The following BMPR2 variants were observed in gnomAD, a reference collection of about 807,000 sequenced individuals.
The protein encoded by BMPR2 is bone morphogenetic protein receptor type 2.
In BMPR2, 29 loss-of-function variants were observed where a neutral mutation model predicts 100.8. The observed-to-expected ratio is 0.29, with a 90% confidence interval of 0.21 to 0.39. BMPR2 has a LOEUF of 0.39. Ranked by LOEUF, BMPR2 falls within the 10% of genes least tolerant of loss-of-function variation. The pLI is 1.00. For missense variants in BMPR2, 1,011 were observed against 1,274.5 expected, an observed-to-expected ratio of 0.79 and a Z score of 3.15; for synonymous variants, 382 against 442.3, an observed-to-expected ratio of 0.86 and a Z score of 1.71.
intron 3 of BMPR2, among the ~76,000 whole-genome samples, chr2:202,471,643 C>G (rs762199926): frequency 6.6e-6 from 1 of 151,766 alleles, no homozygotes; most frequent in South Asian, 2.1e-4. Context: ...TTCAAAAATG[C>G]GAATGTCATA....
chr2:202,555,416 G>A lies in BMPR2; in HGVS notation c.1751G>A (p.Arg584Gln), dbSNP rs139591065. Residue 584 changes from arginine (R) to glutamine (Q), a missense_variant, in exon 12 of 13, where the codon CGA becomes CAA. Arg to Gln is a conservative substitution (Grantham distance 43). Coordinates refer to ENST00000374580, the MANE Select transcript of BMPR2 (RefSeq NM_001204.7). Reference sequence around the variant, plus strand: ...CCTTTGACTATAGGGGAAAAAAACCGAAATTCAATTAACTATGAACGACAG... The same window carrying A: ...CCTTTGACTATAGGGGAAAAAAACCAAAATTCAATTAACTATGAACGACAG... ...STPLTIGEKNRNSINYERQQA... is the reference protein window; with the variant it reads ...STPLTIGEKNQNSINYERQQA... 2.3e-5 allele frequency: 37 copies of A among 1,613,960 alleles called. No individual in the cohort carries two copies. The highest frequency in any genetic ancestry group is 5.5e-5 in the South Asian group (5 of 91,082).
chr2:202,528,062 C>G (rs1256265199), intron 7 of BMPR2, among the ~76,000 whole-genome samples: 1 of 152,102 alleles, frequency 6.6e-6, no homozygotes, highest in Non-Finnish European at 1.5e-5. Context: ...TGGCATGCAC[C>G]TGTAGTCCCA....
At chr2:202,449,236 A>G (rs915562480) in intron 1 of BMPR2, among the ~76,000 whole-genome samples, 7 of 151,838 alleles carry the variant, frequency 4.6e-5, no homozygotes, top group Non-Finnish European at 1.0e-4. Context: ...TGAAACCGGG[A>G]GGTGGAGGTT....
rs536899308 is a variant in BMPR2, at chr2:202,429,459, T to C, written c.77-35350T>C. Among the ~76,000 whole-genome samples, 8 of 152,346 alleles carry C rather than the reference T, an allele frequency of 5.3e-5. No homozygotes were observed. In the East Asian group the frequency reaches 1.5e-3, roughly 29 times the overall value. ...CTTTTGCTTATGATACGTCCCTTGC[T>C]TGGAATTTCCTTCTCTCCTGGTCTG... On this transcript the variant is annotated intron_variant, in intron 1 of 12. Transcript: ENST00000374580.
At chr2:202,537,672 T>A (rs1424770883) in intron 9 of BMPR2, among the ~76,000 whole-genome samples, 3 of 152,154 alleles carry the variant, frequency 2.0e-5, no homozygotes, top group Non-Finnish European at 2.9e-5. Flanking sequence ...TGATCAGTTT[T>A]ATGTTATGTA....
chr2:202,408,690 G>A lies in BMPR2; in HGVS notation c.76+31140G>A, dbSNP rs1369549503. ...ATTACATGAAGGACTTCCAGGCACT[G>A]TAATCAGTCTTCTATCTTTGAGATT... is the stretch of plus-strand genomic sequence containing the variant. On this transcript the variant is annotated intron_variant, in intron 1 of 12. Transcript: ENST00000374580. 2.6e-5 allele frequency among the ~76,000 whole-genome samples: 4 copies of A among 152,312 alleles called. No individual in the cohort carries two copies. In the East Asian group the frequency reaches 5.8e-4, roughly 22 times the overall value.
intron 1 of BMPR2, among the ~76,000 whole-genome samples, chr2:202,413,745 AC>A (rs2105918820): frequency 6.6e-6 from 1 of 151,942 alleles, no homozygotes; most frequent in East Asian, 1.9e-4. Flanking sequence ...GCTCACTGCA[AC>A]CTCCACCTCC....
chr2:202,519,990 C>G (rs1274425810), intron 6 of BMPR2, 97 bp from the exon 7 acceptor site: 17 of 752,606 alleles, frequency 2.3e-5, no homozygotes, highest in Non-Finnish European at 3.4e-5. Flanking sequence ...GAATCCTAGC[C>G]TATTTGCAAA....
At chr2:202,535,162 G>T (rs1252025542) in intron 9 of BMPR2, among the ~76,000 whole-genome samples, 2 of 146,112 alleles carry the variant, frequency 1.4e-5, no homozygotes, top group African/African-American at 5.0e-5. Flanking sequence ...CCCGGATGGG[G>T]CGGCTGGCCT....
chr2:202,556,442 A>G lies in BMPR2; in HGVS notation c.2777A>G (p.Asp926Gly), dbSNP rs1446819618. The change falls in exon 12 of 13, where the codon GAT becomes GGT. Residue 926 changes from aspartate (D) to glycine (G), a missense_variant. Transcript: ENST00000374580. ...CAGGGTGTTCCAAGCACAGCAGCAG[A>G]TCCTGGGCCATCAAAGCCCAGAAGA... Reference protein sequence around the residue: ...LAQGVPSTAADPGPSKPRRAQ... With the variant: ...LAQGVPSTAAGPGPSKPRRAQ... The G allele has an allele frequency of 1.2e-6, 2 of 1,614,180 alleles. No homozygotes were observed. The highest frequency in any genetic ancestry group is 2.2e-5 in the South Asian group (2 of 91,078).
chr2:202,426,038 C>T (rs1396580223), intron 1 of BMPR2, among the ~76,000 whole-genome samples: 2 of 152,134 alleles, frequency 1.3e-5, no homozygotes, highest in African/African-American at 2.4e-5. Flanking sequence ...AATAGGAAAC[C>T]TGTATGGTTG....
rs1317554807 is a variant in BMPR2 at position 202,559,962 on chromosome 2, A to G, written c.*16A>G. 1.9e-6 allele frequency: 3 copies of G among 1,613,568 alleles called. No homozygotes were observed. The highest frequency in any genetic ancestry group is 2.7e-5 in the African/African-American group (2 of 74,906). ...CTGTCTGTGAAATGTTTTCAAGCCTATGGAGTGAAATTATTTTTTGCATCA... is the reference window on the plus strand; with the variant it reads ...CTGTCTGTGAAATGTTTTCAAGCCTGTGGAGTGAAATTATTTTTTGCATCA... On this transcript the variant is annotated 3_prime_UTR_variant, in exon 13 of 13. Coordinates refer to ENST00000374580, the MANE Select transcript of BMPR2 (RefSeq NM_001204.7).
intron 4 of BMPR2, among the ~76,000 whole-genome samples, chr2:202,514,199 G>A (rs1229882806): frequency 6.6e-6 from 1 of 152,004 alleles, no homozygotes; most frequent in Admixed American, 6.6e-5. Flanking sequence ...GCAGTGGCGC[G>A]ATCTCGGCTC....
At chr2:202,471,556 C>T (rs1692438166) in intron 3 of BMPR2, among the ~76,000 whole-genome samples, 1 of 152,056 alleles carries the variant, frequency 6.6e-6, no homozygotes, top group African/African-American at 2.4e-5. Context: ...GAATGCATAA[C>T]CTGAATTTAA....
chr2:202,518,067 C>T (rs1323483919), intron 5 of BMPR2, among the ~76,000 whole-genome samples: 6 of 138,520 alleles, frequency 4.3e-5, no homozygotes, highest in Non-Finnish European at 7.8e-5. Context: ...ACCTCATGAT[C>T]CACCCACCTC....
chr2:202,401,041 T>C (rs1010970078), intron 1 of BMPR2, among the ~76,000 whole-genome samples: 3 of 152,192 alleles, frequency 2.0e-5, no homozygotes, highest in Admixed American at 2.0e-4. Flanking sequence ...TGAAAGGGCA[T>C]AAAATGGAAA....
chr2:202,459,211 G>T (rs889716824), intron 1 of BMPR2, among the ~76,000 whole-genome samples: 2 of 152,084 alleles, frequency 1.3e-5, no homozygotes, highest in African/African-American at 4.8e-5. Flanking sequence ...ACTTTTAGTT[G>T]TTTGGCAAAC....
chr2:202,474,542 G>T (rs1053294451), intron 3 of BMPR2, among the ~76,000 whole-genome samples: 4 of 151,954 alleles, frequency 2.6e-5, no homozygotes, highest in Non-Finnish European at 4.4e-5. Flanking sequence ...TTTTTTTGAG[G>T]CGGAGTCTCG....
At chr2:202,476,981 G>A (rs1357418491) in intron 3 of BMPR2, among the ~76,000 whole-genome samples, 1 of 150,476 alleles carries the variant, frequency 6.6e-6, no homozygotes, top group African/African-American at 2.4e-5. Context: ...TTGAGGGAGA[G>A]AAGCATAAGG....
Sources: allele counts gnomAD v4.1 joint callset (sites outside exome capture counted in the v4.1 genomes callset), GRCh38; gene constraint gnomAD v4.1.1; transcripts MANE v1.5; gene names NCBI Gene and HGNC (gene_info 2026-07-23, HGNC 2026-07-21).